The following EIF4E3 variants were observed in gnomAD, a reference collection of about 807,000 sequenced individuals.
EIF4E3 encodes eukaryotic translation initiation factor 4E type 3.
A neutral mutation model predicts 31.7 loss-of-function variants in EIF4E3; 26 were observed. That is an observed-to-expected ratio of 0.82 (90% CI 0.60 to 1.14). EIF4E3 has a LOEUF of 1.14. Among genes scored for constraint, EIF4E3 ranks in the 50% most tolerant of loss-of-function variants. The probability of loss-of-function intolerance (pLI) is 0.00; values close to 1 mark genes in which losing one functional copy is unlikely to be tolerated. For synonymous variants in EIF4E3, 128 were observed against 107.7 expected (o/e 1.19, Z -1.17); for missense variants, 304 against 270.9 (o/e 1.12, Z -0.86).
upstream of EIF4E3, chr3:71,754,499 G>A (rs1474737054): frequency 7.8e-7 from 1 of 1,287,494 alleles, no homozygotes; most frequent in East Asian, 3.3e-5. The surrounding 1 kb of genome is among the most constrained non-coding windows in gnomAD (Gnocchi z 5.8). Context: ...CCTGGGCGCT[G>A]GCGCTGGCCG....
intron 1 of EIF4E3, among the ~76,000 whole-genome samples, chr3:71,721,299 C>G (rs943274111): frequency 4.6e-5 from 7 of 152,184 alleles, no homozygotes; most frequent in African/African-American, 1.4e-4. Flanking sequence ...GACAAGGCAT[C>G]CGGGACGAGA....
the EIF4E3 span, among the ~76,000 whole-genome samples, chr3:71,663,019 G>A: frequency 1.5e-3 from 223 of 152,128 alleles, 1 homozygote; most frequent in African/African-American, 5.0e-3. Flanking sequence ...GCAAGGAAGC[G>A]TTTCTTGGGT....
At chr3:71,666,915 C>T in the EIF4E3 span, among the ~76,000 whole-genome samples, 12 of 151,922 alleles carry the variant, frequency 7.9e-5, no homozygotes, top group Admixed American at 3.3e-4. Context: ...CTCCAGCCTG[C>T]ACAACAGAGC....
At chr3:71,704,108 C>T (rs1205587805) in intron 2 of EIF4E3, among the ~76,000 whole-genome samples, 1 of 152,200 alleles carries the variant, frequency 6.6e-6, no homozygotes, top group East Asian at 1.9e-4. Context: ...AATGGGTTTT[C>T]CTTTGAATTC....
chr3:71,691,638 T>C (rs1380069065), intron 5 of EIF4E3, among the ~76,000 whole-genome samples: 1 of 152,218 alleles, frequency 6.6e-6, no homozygotes, highest in East Asian at 1.9e-4. Flanking sequence ...TACAGTTGTA[T>C]GCTTACTTTG....
intron 4 of EIF4E3, among the ~76,000 whole-genome samples, chr3:71,696,237 T>A (rs906562226): frequency 2.6e-5 from 4 of 152,212 alleles, no homozygotes; most frequent in African/African-American, 9.7e-5. Flanking sequence ...GACTGCATGA[T>A]ACAGTCACAT....
chr3:71,673,641 C>T (rs1207045476), downstream of EIF4E3, among the ~76,000 whole-genome samples: 2 of 151,666 alleles, frequency 1.3e-5, no homozygotes, highest in Admixed American at 1.3e-4. Flanking sequence ...GTATGTGCAA[C>T]TCAAAAATGT....
intron 2 of EIF4E3, among the ~76,000 whole-genome samples, chr3:71,706,671 T>G (rs2108066913): frequency 6.6e-6 from 1 of 152,048 alleles, no homozygotes; most frequent in African/African-American, 2.4e-5. Context: ...ATAAAATAAT[T>G]TAGCTGGGTG....
chr3:71,690,969 T>G (rs2049055923), intron 5 of EIF4E3, among the ~76,000 whole-genome samples: 1 of 152,348 alleles, frequency 6.6e-6, no homozygotes, highest in Non-Finnish European at 1.5e-5. Flanking sequence ...AGATTAGGGC[T>G]GTCTTGCACA....
At chr3:71,661,382 C>T in the EIF4E3 span, among the ~76,000 whole-genome samples, 1 of 152,136 alleles carries the variant, frequency 6.6e-6, no homozygotes, top group Admixed American at 6.5e-5. Context: ...AGTTTATTAT[C>T]ATCCAAAGTG....
chr3:71,718,348 T>C (rs13071396), intron 1 of EIF4E3, among the ~76,000 whole-genome samples: 10,285 of 152,344 alleles, frequency 0.068, 481 homozygotes, highest in Non-Finnish European at 0.099. Flanking sequence ...CAGTTAATAA[T>C]GCATCTACTG....
chr3:71,712,643 G>GGA (rs755596231), intron 1 of EIF4E3, among the ~76,000 whole-genome samples: 16 of 126,576 alleles, frequency 1.3e-4, no homozygotes, highest in South Asian at 1.2e-3. Flanking sequence ...GGTGGGCGGG[G>GGA]GAGATTCTAG....
chr3:71,716,302 G>A lies in EIF4E3; in HGVS notation c.177-5818C>T, dbSNP rs533418708. On this transcript the variant is annotated intron_variant, in intron 1 of 6. Transcript: ENST00000425534. The stretch of plus-strand genomic sequence containing the variant: ...AGCTGGAGCGCAGTGGCGCAATCTC[G>A]ACTCACTGCAAGCTCCGCCTCCCGG... Among the ~76,000 whole-genome samples, 93 of 152,088 alleles carry A rather than the reference G, an allele frequency of 6.1e-4. 1 individual carries two copies. The highest frequency in any genetic ancestry group is 2.1e-3 in the African/African-American group (86 of 41,474).
chr3:71,751,095 T>G (rs1189051751), intron 1 of EIF4E3, among the ~76,000 whole-genome samples: 2 of 151,682 alleles, frequency 1.3e-5, no homozygotes, highest in Non-Finnish European at 2.9e-5. Flanking sequence ...TAGCGGGGCA[T>G]GGTGGTATAA....
At chr3:71,748,201 T>C (rs2049892428) in intron 1 of EIF4E3, among the ~76,000 whole-genome samples, 1 of 73,360 alleles carries the variant, frequency 1.4e-5, no homozygotes, top group Non-Finnish European at 3.1e-5. Flanking sequence ...GGTTGGTTTA[T>C]ATGTGATTTT....
intron 1 of EIF4E3, among the ~76,000 whole-genome samples, chr3:71,735,197 TA>T (rs947059318): frequency 6.6e-6 from 1 of 152,228 alleles, no homozygotes; most frequent in Non-Finnish European, 1.5e-5. Flanking sequence ...AAATCCATTA[TA>T]TTTTTTTCAA....
At chr3:71,754,429 A>C (rs1437199284), upstream of EIF4E3, 2 of 1,357,394 alleles carry the variant, frequency 1.5e-6, no homozygotes, top group Non-Finnish European at 9.5e-7. This position sits in a 1 kb window ranked among gnomAD's most constrained non-coding sequence, Gnocchi z 5.8. Context: ...ATCGCGCACC[A>C]CCGCTTCTAT....
At chr3:71,711,769 G>C (rs1165752792) in intron 1 of EIF4E3, among the ~76,000 whole-genome samples, 3 of 152,178 alleles carry the variant, frequency 2.0e-5, no homozygotes, top group Non-Finnish European at 4.4e-5. Flanking sequence ...TTGAGGACAG[G>C]AGTTTGAGAC....
chr3:71,710,551 C>T, intron 1 of EIF4E3, 67 bp from the exon 2 acceptor site: 2 of 1,476,484 alleles, frequency 1.4e-6, no homozygotes, highest in Non-Finnish European at 1.9e-6. Context: ...AAACAGCCCA[C>T]AGTAGAATCT....
Sources: allele counts gnomAD v4.1 joint callset (sites outside exome capture counted in the v4.1 genomes callset), GRCh38; gene constraint gnomAD v4.1.1; non-coding constraint Gnocchi (gnomAD v3.1); transcripts MANE v1.5; gene names NCBI Gene and HGNC (gene_info 2026-07-23, HGNC 2026-07-21).